Variants in CORIN observed in about 807,000 individuals in gnomAD.
The protein encoded by CORIN is corin, serine peptidase.
A neutral mutation model predicts 125.3 loss-of-function variants in CORIN; 117 were observed. The ratio of observed to expected loss-of-function variants is 0.93; its 90% confidence interval spans 0.80 to 1.09. The LOEUF (loss-of-function observed/expected upper bound fraction) is 1.09. CORIN is among the 50% of genes least tolerant of loss of function. CORIN has a pLI of 0.00. For missense variants in CORIN, 1,253 were observed against 1,306.7 expected (o/e 0.96, Z 0.63); for synonymous variants, 450 against 466.4 (o/e 0.96, Z 0.45).
chr4:47,745,407 G>A (rs1372653913), intron 4 of CORIN, among the ~76,000 whole-genome samples: 2 of 152,346 alleles, frequency 1.3e-5, no homozygotes, highest in South Asian at 4.1e-4. Flanking sequence ...TAAGGAAACT[G>A]GGAAAGAAAA....
At chr4:47,781,175 G>C (rs1730528832) in intron 3 of CORIN, among the ~76,000 whole-genome samples, 1 of 152,128 alleles carries the variant, frequency 6.6e-6, no homozygotes, top group African/African-American at 2.4e-5. Flanking sequence ...ACTATATGCT[G>C]TCTACCACAG....
chr4:47,774,352 G>A (rs1730193587), intron 3 of CORIN, among the ~76,000 whole-genome samples: 1 of 152,090 alleles, frequency 6.6e-6, no homozygotes, highest in Non-Finnish European at 1.5e-5. Context: ...TGCACTCCCG[G>A]GTGTGAAAGT....
intron 5 of CORIN, among the ~76,000 whole-genome samples, chr4:47,705,491 T>C (rs1726509382): frequency 1.3e-5 from 2 of 152,158 alleles, no homozygotes; most frequent in Admixed American, 6.5e-5. Flanking sequence ...AAAATACTAC[T>C]GCCAAAATTA....
At position 47,766,007 on chromosome 4, in the gene CORIN, C is replaced by T. The variant is rs573958506; in HGVS notation, c.410-2421G>A. Among the ~76,000 whole-genome samples the T allele has an allele frequency of 5.9e-5, 9 of 152,242 alleles. No individual in the cohort carries two copies. In the East Asian group the frequency reaches 1.5e-3, roughly 26 times the overall value. ...TAACAGATGAATATATTTTATTCTACTTTAATCCAGCCGTTGAAATATTTA... is the reference window on the plus strand; with the variant it reads ...TAACAGATGAATATATTTTATTCTATTTTAATCCAGCCGTTGAAATATTTA... On this transcript the variant is annotated intron_variant, in intron 3 of 21. Coordinates refer to ENST00000273857, the MANE Select transcript of CORIN (RefSeq NM_006587.4).
At chr4:47,723,178 C>T (rs1328264114) in intron 5 of CORIN, among the ~76,000 whole-genome samples, 1 of 152,126 alleles carries the variant, frequency 6.6e-6, no homozygotes, top group African/African-American at 2.4e-5. Context: ...CCAAGGTTGC[C>T]TATTTGCCCC....
chr4:47,680,102 T>A (rs765442384), intron 8 of CORIN, 39 bp downstream of exon 8: 1 of 1,359,718 alleles, frequency 7.4e-7, no homozygotes, highest in Non-Finnish European at 1.1e-6. Context: ...GAACCAGAAA[T>A]GGAAAAATAA....
intron 8 of CORIN, among the ~76,000 whole-genome samples, chr4:47,679,327 A>C (rs1353830935): frequency 6.6e-6 from 1 of 152,106 alleles, no homozygotes; most frequent in Non-Finnish European, 1.5e-5. Flanking sequence ...TCACACAGAA[A>C]CACAACAGTT....
At chr4:47,762,834 C>G (rs889948110) in intron 4 of CORIN, among the ~76,000 whole-genome samples, 5 of 152,166 alleles carry the variant, frequency 3.3e-5, no homozygotes, top group Admixed American at 2.0e-4. Flanking sequence ...CCTTCCTTCT[C>G]TCTCACTGCA....
At chr4:47,598,991 A>G (rs895172598) in intron 21 of CORIN, among the ~76,000 whole-genome samples, 1 of 152,238 alleles carries the variant, frequency 6.6e-6, no homozygotes, top group African/African-American at 2.4e-5. Context: ...CATTTTACTC[A>G]TGAGAAAGCT....
chr4:47,688,982 T>G (rs1339672298), intron 6 of CORIN, among the ~76,000 whole-genome samples: 1 of 152,224 alleles, frequency 6.6e-6, no homozygotes, highest in Non-Finnish European at 1.5e-5. Flanking sequence ...ATATCAATTT[T>G]TATTTTGTGC....
At chr4:47,667,316 C>T (rs1415076262) in intron 10 of CORIN, among the ~76,000 whole-genome samples, 1 of 152,138 alleles carries the variant, frequency 6.6e-6, no homozygotes, top group Admixed American at 6.5e-5. Context: ...CAGACTAACA[C>T]TCCTTCCAAT....
At chr4:47,665,009 TG>T in intron 11 of CORIN, 22 bp downstream of exon 11, 2 of 1,525,138 alleles carry the variant, frequency 1.3e-6, no homozygotes, top group Non-Finnish European at 1.8e-6. Flanking sequence ...AATAAGGGAC[TG>T]GGGTAGATCC....
At chr4:47,771,404 TG>T (rs938158302) in intron 3 of CORIN, among the ~76,000 whole-genome samples, 15 of 152,194 alleles carry the variant, frequency 9.9e-5, no homozygotes, top group African/African-American at 3.1e-4. Context: ...AACATAAAAC[TG>T]AAGACAGGGT....
intron 1 of CORIN, among the ~76,000 whole-genome samples, chr4:47,821,373 CTT>C (rs1491322903): frequency 6.6e-6 from 1 of 150,510 alleles, no homozygotes; most frequent in African/African-American, 2.4e-5. Flanking sequence ...ATTATAGGTA[CTT>C]ATATATATAT....
intron 3 of CORIN, among the ~76,000 whole-genome samples, chr4:47,785,378 C>T (rs761836134): frequency 3.9e-5 from 6 of 152,200 alleles, no homozygotes; most frequent in Non-Finnish European, 8.8e-5. Context: ...TATCATCTGT[C>T]ACCTCTCACC....
intron 1 of CORIN, among the ~76,000 whole-genome samples, chr4:47,822,908 C>T (rs1451743670): frequency 2.6e-5 from 4 of 151,936 alleles, no homozygotes; most frequent in East Asian, 1.9e-4. Context: ...CTCCACCTCC[C>T]GGGTTCAAGC....
At chr4:47,819,599 A>G (rs1732416667) in intron 1 of CORIN, among the ~76,000 whole-genome samples, 1 of 152,184 alleles carries the variant, frequency 6.6e-6, no homozygotes, top group East Asian at 1.9e-4. Context: ...ACATGAAGGG[A>G]ATCAGAGTCT....
At chr4:47,651,314 G>A (rs776712319) in intron 13 of CORIN, among the ~76,000 whole-genome samples, 1 of 152,214 alleles carries the variant, frequency 6.6e-6, no homozygotes, top group African/African-American at 2.4e-5. Context: ...AGAAGCTTGG[G>A]GTGAAACCCA....
chr4:47,836,874 C>T (rs1237426393), intron 1 of CORIN, among the ~76,000 whole-genome samples: 1 of 152,246 alleles, frequency 6.6e-6, no homozygotes, highest in African/African-American at 2.4e-5. Flanking sequence ...CTTCCGCCCG[C>T]ACAGCCTGCC....
Sources: gnomAD v4.1 joint callset for allele counts (sites outside exome capture counted in the v4.1 genomes callset) on GRCh38, gnomAD v4.1.1 for gene constraint, MANE v1.5 for transcripts, NCBI Gene and HGNC (gene_info 2026-07-23, HGNC 2026-07-21) for gene names.